Variants in SLC24A3 observed in about 807,000 individuals in gnomAD.
SLC24A3 encodes the protein solute carrier family 24 member 3.
In SLC24A3, 28 loss-of-function variants were observed where a neutral mutation model predicts 75.8. The observed-to-expected ratio is 0.37, with a 90% CI of 0.27 to 0.51. The LOEUF is 0.51. Among genes scored for constraint, SLC24A3 ranks in the 20% least tolerant of loss-of-function variants. The pLI is 0.94. For missense variants in SLC24A3, 663 were observed against 847.8 expected, an observed-to-expected ratio of 0.78 and a Z score of 2.71; for synonymous variants, 372 against 334.1, an observed-to-expected ratio of 1.11 and a Z score of -1.24.
At chr20:19,504,843 C>T (rs1450665893) in intron 2 of SLC24A3, among the ~76,000 whole-genome samples, 1 of 152,222 alleles carries the variant, frequency 6.6e-6, no homozygotes, top group Non-Finnish European at 1.5e-5. Flanking sequence ...TTGATAATCA[C>T]ATGTGAGCAA....
chr20:19,717,150 G>A (rs1006552856), intron 15 of SLC24A3, among the ~76,000 whole-genome samples: 9 of 152,172 alleles, frequency 5.9e-5, no homozygotes, highest in African/African-American at 1.9e-4. Flanking sequence ...AAAGCAGTAC[G>A]GGTTTGAGAA....
At chr20:19,390,155 C>G (rs970369311) in intron 2 of SLC24A3, among the ~76,000 whole-genome samples, 82 of 152,160 alleles carry the variant, frequency 5.4e-4, no homozygotes, top group African/African-American at 2.0e-3. Flanking sequence ...TCTCTTGCAG[C>G]TCACTGAGTT....
chr20:19,408,250 AT>A (rs1450897116), intron 2 of SLC24A3, among the ~76,000 whole-genome samples: 1 of 152,198 alleles, frequency 6.6e-6, no homozygotes, highest in Non-Finnish European at 1.5e-5. Flanking sequence ...TACCATTAAC[AT>A]TTAGTATATT....
intron 2 of SLC24A3, among the ~76,000 whole-genome samples, chr20:19,432,806 TA>T (rs1474510159): frequency 6.6e-6 from 1 of 152,230 alleles, no homozygotes. Flanking sequence ...CTGTGAAAAG[TA>T]GAAATTCATG....
intron 2 of SLC24A3, among the ~76,000 whole-genome samples, chr20:19,395,953 A>G (rs1346850917): frequency 2.0e-5 from 3 of 152,118 alleles, no homozygotes; most frequent in Non-Finnish European, 4.4e-5. Flanking sequence ...CAGGACCCAC[A>G]CCCTCCAAAC....
intron 6 of SLC24A3, among the ~76,000 whole-genome samples, chr20:19,623,480 G>A (rs1022495057): frequency 1.3e-5 from 2 of 152,120 alleles, no homozygotes; most frequent in African/African-American, 2.4e-5. Context: ...TCTATTAGAG[G>A]TTCAGAATGT....
At position 19,461,623 on chromosome 20, in the gene SLC24A3, C is replaced by G. The variant is rs1208671250; in HGVS notation, c.272-53865C>G. ...TCTTGGCTCACTGCAACCTCCACCCCCTGGGCTCAAGTGATTCTTCCACCT... is the reference window on the plus strand; with the variant it reads ...TCTTGGCTCACTGCAACCTCCACCCGCTGGGCTCAAGTGATTCTTCCACCT... On this transcript the variant is annotated intron_variant, in intron 2 of 16. Coordinates refer to ENST00000328041, the MANE Select transcript of SLC24A3 (RefSeq NM_020689.4). Among the ~76,000 whole-genome samples, 3 of 149,754 alleles carry G rather than the reference C, an allele frequency of 2.0e-5. 1 individual carries two copies. The highest frequency in any genetic ancestry group is 4.4e-5 in the Non-Finnish European group (3 of 67,686).
At chr20:19,483,959 C>G (rs907631365) in intron 2 of SLC24A3, among the ~76,000 whole-genome samples, 4 of 152,174 alleles carry the variant, frequency 2.6e-5, no homozygotes, top group Admixed American at 6.5e-5. Context: ...AATCACCCAG[C>G]AATTCCACTT....
intron 2 of SLC24A3, among the ~76,000 whole-genome samples, chr20:19,514,792 G>A (rs1007630404): frequency 6.6e-6 from 1 of 152,186 alleles, no homozygotes; most frequent in Non-Finnish European, 1.5e-5. Flanking sequence ...CATTGAGAAG[G>A]CATGAACATC....
At chr20:19,346,066 T>TGA in intron 2 of SLC24A3, among the ~76,000 whole-genome samples, 1 of 20,404 alleles carries the variant, frequency 4.9e-5, no homozygotes, top group East Asian at 5.3e-3. Context: ...AAGAAAACTA[T>TGA]ATATATATAT....
At chr20:19,340,756 C>G (rs1207300537) in intron 2 of SLC24A3, among the ~76,000 whole-genome samples, 1 of 152,178 alleles carries the variant, frequency 6.6e-6, no homozygotes, top group Non-Finnish European at 1.5e-5. Flanking sequence ...ATTTCTGCCT[C>G]TTATCTTGTC....
intron 4 of SLC24A3, 143 bp downstream of exon 4, chr20:19,580,217 G>C: frequency 1.6e-6 from 1 of 637,708 alleles, no homozygotes; most frequent in East Asian, 2.6e-5. Flanking sequence ...CCATGTTTGA[G>C]AGCAATGGGC....
At chr20:19,375,899 A>G (rs1029082869) in intron 2 of SLC24A3, among the ~76,000 whole-genome samples, 4 of 152,360 alleles carry the variant, frequency 2.6e-5, no homozygotes, top group Admixed American at 2.6e-4. Flanking sequence ...AGAATTTGCC[A>G]TGTGAGTGAG....
At chr20:19,595,156 G>A (rs1013307590) in intron 6 of SLC24A3, among the ~76,000 whole-genome samples, 5 of 152,250 alleles carry the variant, frequency 3.3e-5, no homozygotes, top group South Asian at 2.1e-4. Flanking sequence ...CATATTCATC[G>A]ACCATCCCCA....
At chr20:19,424,203 A>C (rs904238457) in intron 2 of SLC24A3, among the ~76,000 whole-genome samples, 1 of 152,094 alleles carries the variant, frequency 6.6e-6, no homozygotes, top group African/African-American at 2.4e-5. Flanking sequence ...CATAGACTTG[A>C]CTCCAACTCC....
At chr20:19,383,101 C>G (rs1042208507) in intron 2 of SLC24A3, among the ~76,000 whole-genome samples, 1 of 152,188 alleles carries the variant, frequency 6.6e-6, no homozygotes, top group African/African-American at 2.4e-5. Context: ...GATTTATCCT[C>G]TTTGGCAGCC....
chr20:19,257,930 G>T (rs977289236), intron 1 of SLC24A3, among the ~76,000 whole-genome samples: 1 of 152,230 alleles, frequency 6.6e-6, no homozygotes, highest in African/African-American at 2.4e-5. Flanking sequence ...CACGTAAGCC[G>T]TCCTCTCATC....
chr20:19,493,499 T>C (rs1988235988), intron 2 of SLC24A3, among the ~76,000 whole-genome samples: 1 of 152,340 alleles, frequency 6.6e-6, no homozygotes, highest in South Asian at 2.1e-4. Flanking sequence ...CACTGTACTA[T>C]ATAATAATCA....
At chr20:19,223,973 AGT>A in intron 1 of SLC24A3, among the ~76,000 whole-genome samples, 1 of 152,348 alleles carries the variant, frequency 6.6e-6, no homozygotes, top group East Asian at 1.9e-4. Flanking sequence ...TACTCAGAAT[AGT>A]GGCAATTTAG....
Sources: allele counts gnomAD v4.1 joint callset (sites outside exome capture counted in the v4.1 genomes callset), GRCh38; gene constraint gnomAD v4.1.1; transcripts MANE v1.5; gene names NCBI Gene and HGNC (gene_info 2026-07-23, HGNC 2026-07-21).